Variants in LHFPL4 observed in about 807,000 individuals in gnomAD.
LHFPL4 encodes the protein LHFPL tetraspan subfamily member 4.
In LHFPL4, 6 loss-of-function variants were observed where a neutral mutation model predicts 20.0. The observed-to-expected ratio is 0.30, with a 90% CI of 0.16 to 0.59. LHFPL4 has a LOEUF of 0.59. Ranked by LOEUF, LHFPL4 falls within the 20% of genes least tolerant of loss-of-function variation. The pLI is 0.88. For synonymous variants in LHFPL4, 129 were observed against 143.8 expected (o/e 0.90, Z 0.74); for missense variants, 215 against 331.2 (o/e 0.65, Z 2.72).
intron 2 of LHFPL4, among the ~76,000 whole-genome samples, chr3:9,519,746 G>C (rs563283268): frequency 1.3e-5 from 2 of 151,960 alleles, no homozygotes; most frequent in African/African-American, 4.8e-5. Flanking sequence ...TAGAGATGAG[G>C]TCTCCCTATG....
intron 2 of LHFPL4, among the ~76,000 whole-genome samples, chr3:9,508,189 G>A (rs2046231877): frequency 6.6e-6 from 1 of 152,178 alleles, no homozygotes; most frequent in Non-Finnish European, 1.5e-5. Flanking sequence ...CCAGGCCCCA[G>A]CCTCTTCCGG....
intron 2 of LHFPL4, among the ~76,000 whole-genome samples, chr3:9,521,425 G>C (rs1190885643): frequency 6.7e-6 from 1 of 149,602 alleles, no homozygotes; most frequent in Non-Finnish European, 1.5e-5. Flanking sequence ...TTTATTAGAC[G>C]GAGTCTCACT....
At position 9,512,727 on chromosome 3, in the gene LHFPL4, T is replaced by A. The variant is rs1361980208; in HGVS notation, c.407-6524A>T. Among the ~76,000 whole-genome samples the A allele has an allele frequency of 2.0e-5, 3 of 152,180 alleles. No individual in the cohort carries two copies. The East Asian group carries it at 5.8e-4, about 29-fold the overall frequency. ...AGGAAACAACTTTATATAAACAGAT[T>A]CATAAGGATGCTACCGGGTACTCTT... On this transcript the variant is annotated intron_variant, in intron 2 of 3. Transcript: ENST00000287585.
At chr3:9,510,086 G>C (rs2046247222) in intron 2 of LHFPL4, among the ~76,000 whole-genome samples, 1 of 152,134 alleles carries the variant, frequency 6.6e-6, no homozygotes, top group Non-Finnish European at 1.5e-5. Context: ...ATGCACTGTG[G>C]GATACTTAGC....
intron 2 of LHFPL4, among the ~76,000 whole-genome samples, chr3:9,543,768 T>A (rs374906203): frequency 2.8e-5 from 4 of 142,994 alleles, no homozygotes; most frequent in African/African-American, 7.9e-5. Context: ...TCTCACTCTG[T>A]CACCCAGGCT....
intron 2 of LHFPL4, among the ~76,000 whole-genome samples, chr3:9,542,544 C>T (rs1394089970): frequency 1.3e-5 from 2 of 152,024 alleles, no homozygotes; most frequent in African/African-American, 4.8e-5. Flanking sequence ...TGGTGGCTCA[C>T]ACCTGTAATC....
At chr3:9,527,386 T>G (rs2046382183) in intron 2 of LHFPL4, among the ~76,000 whole-genome samples, 1 of 151,808 alleles carries the variant, frequency 6.6e-6, no homozygotes, top group South Asian at 2.1e-4. Flanking sequence ...CTGGGCAACA[T>G]GGCAAAACTC....
At chr3:9,534,983 G>A (rs2046436293) in intron 2 of LHFPL4, among the ~76,000 whole-genome samples, 2 of 152,074 alleles carry the variant, frequency 1.3e-5, no homozygotes, top group South Asian at 4.2e-4. Flanking sequence ...AAGAGTATAA[G>A]AGCAAGGGGA....
chr3:9,528,761 G>A (rs949317039), intron 2 of LHFPL4, among the ~76,000 whole-genome samples: 10 of 151,732 alleles, frequency 6.6e-5, no homozygotes, highest in African/African-American at 1.2e-4. Flanking sequence ...GATTACAGGC[G>A]TGTGCCACCA....
rs140154327 is a variant in LHFPL4, at chr3:9,515,311, C to T, written c.407-9108G>A. 2.6e-5 allele frequency among the ~76,000 whole-genome samples: 4 copies of T among 152,304 alleles called. No homozygotes were observed. In the East Asian group the frequency reaches 7.7e-4, roughly 29 times the overall value. On this transcript the variant is annotated intron_variant, in intron 2 of 3. Coordinates refer to ENST00000287585, the MANE Select transcript of LHFPL4 (RefSeq NM_198560.3). ...CTGTATATCTTCCTTGGGGTGTCTG[C>T]TAAGGTCTTTTGCCCAATGTTTAAT... is the stretch of plus-strand genomic sequence containing the variant.
chr3:9,510,543 G>A (rs1296611442), intron 2 of LHFPL4, among the ~76,000 whole-genome samples: 3 of 151,922 alleles, frequency 2.0e-5, no homozygotes, highest in East Asian at 1.9e-4. Context: ...GCTACCCCAT[G>A]GTCCTACTGA....
intron 2 of LHFPL4, among the ~76,000 whole-genome samples, chr3:9,547,671 G>A (rs145347554): frequency 2.6e-5 from 4 of 152,222 alleles, no homozygotes; most frequent in African/African-American, 9.6e-5. Context: ...GGTAAAAAAC[G>A]TAGCAGAGAT....
At chr3:9,528,015 A>C (rs2046385979) in intron 2 of LHFPL4, among the ~76,000 whole-genome samples, 1 of 152,194 alleles carries the variant, frequency 6.6e-6, no homozygotes, top group Admixed American at 6.5e-5. Flanking sequence ...AAAAAAACCC[A>C]ATGTGTATAC....
At chr3:9,519,541 T>G (rs749012823) in intron 2 of LHFPL4, among the ~76,000 whole-genome samples, 1 of 152,182 alleles carries the variant, frequency 6.6e-6, no homozygotes, top group Non-Finnish European at 1.5e-5. Flanking sequence ...TAACTTTTGT[T>G]TCTCTGCTTT....
At chr3:9,516,939 C>T (rs751746001) in intron 2 of LHFPL4, among the ~76,000 whole-genome samples, 17 of 151,738 alleles carry the variant, frequency 1.1e-4, no homozygotes, top group African/African-American at 1.9e-4. Flanking sequence ...GCCACCACGC[C>T]GGGCTGATTT....
chr3:9,519,287 C>G (rs916220779), intron 2 of LHFPL4, among the ~76,000 whole-genome samples: 3 of 151,858 alleles, frequency 2.0e-5, no homozygotes, highest in Non-Finnish European at 4.4e-5. Flanking sequence ...ATTGGCCAGG[C>G]TGGTCTCCAA....
chr3:9,521,989 T>C lies in LHFPL4; in HGVS notation c.407-15786A>G, dbSNP rs185693981. Among the ~76,000 whole-genome samples, 13 of 152,226 alleles carry C rather than the reference T, an allele frequency of 8.5e-5. No homozygotes were observed. The South Asian group carries it at 1.2e-3, about 15-fold the overall frequency. On this transcript the variant is annotated intron_variant, in intron 2 of 3. Transcript: ENST00000287585. ...ATTTTCCTGTCTTTTGTGGTTTTAA[T>C]TGAACATTTTAAATGATTCCATTTT...
chr3:9,508,297 C>A (rs547584105), intron 2 of LHFPL4, among the ~76,000 whole-genome samples: 1 of 152,258 alleles, frequency 6.6e-6, no homozygotes, highest in East Asian at 1.9e-4. Context: ...CAGATGCAGG[C>A]TCCCCCCACA....
chr3:9,519,040 C>G (rs531836416), intron 2 of LHFPL4, among the ~76,000 whole-genome samples: 1 of 152,182 alleles, frequency 6.6e-6, no homozygotes, highest in Non-Finnish European at 1.5e-5. Context: ...TGGGTTCAAG[C>G]AATTCTCGTG....
Sources: gnomAD v4.1 joint callset for allele counts (sites outside exome capture counted in the v4.1 genomes callset) on GRCh38, gnomAD v4.1.1 for gene constraint, MANE v1.5 for transcripts, NCBI Gene and HGNC (gene_info 2026-07-23, HGNC 2026-07-21) for gene names.